The following CLIC5 variants were observed in gnomAD, a reference collection of about 807,000 sequenced individuals.
CLIC5 encodes CLIC family member 5, also known as chloride intracellular channel protein 5.
A neutral mutation model predicts 24.7 loss-of-function variants in CLIC5; 20 were observed. The ratio of observed to expected loss-of-function variants is 0.81; its 90% CI spans 0.57 to 1.18. The LOEUF (loss-of-function observed/expected upper bound fraction) is 1.18. CLIC5 is among the 50% of genes most tolerant of loss of function. The pLI is 0.00. For missense variants in CLIC5, 341 were observed against 326.1 expected (o/e 1.05, Z -0.35); for synonymous variants, 159 against 135.6 (o/e 1.17, Z -1.20).
At chr6:45,948,998 C>T (rs966131336) in intron 3 of CLIC5, among the ~76,000 whole-genome samples, 1 of 152,060 alleles carries the variant, frequency 6.6e-6, no homozygotes, top group Admixed American at 6.6e-5. Flanking sequence ...TCCTAGGGCT[C>T]CTAAAATCAC....
chr6:45,926,029 GA>G (rs986551381), intron 4 of CLIC5, among the ~76,000 whole-genome samples: 3 of 151,964 alleles, frequency 2.0e-5, no homozygotes, highest in African/African-American at 7.3e-5. Context: ...ACAGAACATG[GA>G]TAACTATCAT....
chr6:45,987,859 T>A (rs919888655), intron 1 of CLIC5, among the ~76,000 whole-genome samples: 5 of 152,216 alleles, frequency 3.3e-5, no homozygotes, highest in African/African-American at 7.2e-5. Context: ...TATCTCCAGA[T>A]ACAGTCACAT....
chr6:45,983,751 G>T (rs1765640094), intron 1 of CLIC5, among the ~76,000 whole-genome samples: 1 of 152,152 alleles, frequency 6.6e-6, no homozygotes, highest in Admixed American at 6.5e-5. Context: ...CCTGGTAAGG[G>T]CTAAGAACCT....
At chr6:45,986,110 G>A (rs544618962) in intron 1 of CLIC5, among the ~76,000 whole-genome samples, 4 of 152,174 alleles carry the variant, frequency 2.6e-5, no homozygotes, top group African/African-American at 4.8e-5. Context: ...CCAGCCATGT[G>A]GAACTGTGAG....
At chr6:46,061,401 C>T (rs1762276586) in intron 1 of CLIC5, among the ~76,000 whole-genome samples, 1 of 152,184 alleles carries the variant, frequency 6.6e-6, no homozygotes, top group Non-Finnish European at 1.5e-5. Context: ...CCATGTTGGC[C>T]AGGATGGTCT....
the CLIC5 span, among the ~76,000 whole-genome samples, chr6:46,120,122 A>T: frequency 1.3e-5 from 2 of 152,212 alleles, no homozygotes; most frequent in Non-Finnish European, 2.9e-5. Flanking sequence ...CTGAGAATGG[A>T]CAGACTGCCT....
chr6:46,030,457 T>A (rs1767466031), intron 1 of CLIC5, among the ~76,000 whole-genome samples: 1 of 152,154 alleles, frequency 6.6e-6, no homozygotes, highest in Admixed American at 6.5e-5. Context: ...ACCCATTTCA[T>A]CCCTCAAATC....
chr6:45,990,048 A>G (rs1765879083), intron 1 of CLIC5, among the ~76,000 whole-genome samples: 1 of 152,350 alleles, frequency 6.6e-6, no homozygotes, highest in Middle Eastern at 3.4e-3. Context: ...ACCTTGGGGA[A>G]GACATGGAGT....
At chr6:46,009,369 G>C (rs1766717920) in intron 1 of CLIC5, among the ~76,000 whole-genome samples, 1 of 152,108 alleles carries the variant, frequency 6.6e-6, no homozygotes, top group African/African-American at 2.4e-5. Context: ...TTCCAAAGCA[G>C]GTTGTCATTT....
chr6:45,954,156 C>T (rs985565494), intron 2 of CLIC5, among the ~76,000 whole-genome samples: 1 of 151,454 alleles, frequency 6.6e-6, no homozygotes, highest in Non-Finnish European at 1.5e-5. Context: ...TTTCTGTAAT[C>T]CCAGCTACTC....
chr6:46,125,689 C>T, the CLIC5 span, among the ~76,000 whole-genome samples: 1 of 152,058 alleles, frequency 6.6e-6, no homozygotes, highest in Non-Finnish European at 1.5e-5. Flanking sequence ...TTAACTTGGA[C>T]CCACGTGCTC....
chr6:46,123,707 C>T, the CLIC5 span, among the ~76,000 whole-genome samples: 1 of 151,010 alleles, frequency 6.6e-6, no homozygotes, highest in Non-Finnish European at 1.5e-5. Flanking sequence ...CCAAAATCCC[C>T]TTAAGCTGAT....
chr6:46,113,696 A>C, the CLIC5 span, among the ~76,000 whole-genome samples: 33 of 152,264 alleles, frequency 2.2e-4, no homozygotes, highest in South Asian at 6.8e-3. Flanking sequence ...TCATATATTG[A>C]AGTCCTCACC....
At chr6:46,004,499 G>A (rs1766472771) in intron 1 of CLIC5, among the ~76,000 whole-genome samples, 1 of 152,176 alleles carries the variant, frequency 6.6e-6, no homozygotes, top group South Asian at 2.1e-4. Flanking sequence ...CGTCCCGCAG[G>A]GTGGCAGAAC....
At chr6:45,882,146 G>C (rs1762269036) in intron 6 of CLIC5, among the ~76,000 whole-genome samples, 1 of 152,174 alleles carries the variant, frequency 6.6e-6, no homozygotes, top group Non-Finnish European at 1.5e-5. Flanking sequence ...TGGAGAAAAT[G>C]CTTTTACCAG....
chr6:45,968,890 T>C lies in CLIC5; in HGVS notation c.64-13646A>G, dbSNP rs536493323. ...GGGCAATGTAATAAAAAGCAGAAGA[T>C]TAAGAGTTCTGCGTTCCAGACCTAG... On this transcript the variant is annotated intron_variant, in intron 1 of 5. Transcript: ENST00000339561. Among the ~76,000 whole-genome samples, 11 of 152,266 alleles carry C rather than the reference T, an allele frequency of 7.2e-5. No homozygotes were observed. The South Asian group carries it at 2.3e-3, about 32-fold the overall frequency.
chr6:45,889,023 T>C lies in CLIC5; in HGVS notation c.624-7835A>G, dbSNP rs77246149. Among the ~76,000 whole-genome samples the C allele has an allele frequency of 5.4e-4, 82 of 152,296 alleles. 1 individual carries two copies. The highest frequency in any genetic ancestry group is 1.9e-3 in the African/African-American group (79 of 41,574). Reference sequence around the variant, plus strand: ...GAGGAATATCTACACTATGGAGTAGTATGCAGTTGTAAAAAGGAATGGGAG... The same window carrying C: ...GAGGAATATCTACACTATGGAGTAGCATGCAGTTGTAAAAAGGAATGGGAG... On this transcript the variant is annotated intron_variant, in intron 6 of 6. Transcript: ENST00000644324.
intron 1 of CLIC5, among the ~76,000 whole-genome samples, chr6:46,034,063 G>A (rs1270700172): frequency 6.6e-6 from 1 of 152,212 alleles, no homozygotes; most frequent in African/African-American, 2.4e-5. Flanking sequence ...AATGATGCCA[G>A]AGTAGCTTCT....
At chr6:46,051,780 A>T (rs1768109679) in intron 1 of CLIC5, among the ~76,000 whole-genome samples, 1 of 152,218 alleles carries the variant, frequency 6.6e-6, no homozygotes, top group Non-Finnish European at 1.5e-5. Context: ...CTCATAAAAT[A>T]AAAAAAGCAG....
Sources: allele counts gnomAD v4.1 joint callset (sites outside exome capture counted in the v4.1 genomes callset), GRCh38; gene constraint gnomAD v4.1.1; transcripts MANE v1.5; gene names NCBI Gene and HGNC (gene_info 2026-07-23, HGNC 2026-07-21).